Variants in XKR4 observed in about 807,000 individuals in gnomAD.
The protein encoded by XKR4 is XK related 4.
A neutral mutation model predicts 53.9 loss-of-function variants in XKR4; 12 were observed. The observed-to-expected ratio is 0.22, with a 90% confidence interval of 0.14 to 0.36. The LOEUF is 0.36. XKR4 is among the 10% of genes least tolerant of loss of function. XKR4 has a pLI of 1.00. For missense variants in XKR4, 799 were observed against 859.5 expected, an observed-to-expected ratio of 0.93 and a Z score of 0.88; for synonymous variants, 354 against 362.4, an observed-to-expected ratio of 0.98 and a Z score of 0.26.
chr8:55,149,900 A>G (rs1816818932), intron 1 of XKR4, among the ~76,000 whole-genome samples: 1 of 152,234 alleles, frequency 6.6e-6, no homozygotes, highest in Admixed American at 6.5e-5. Flanking sequence ...ACCAATCCAT[A>G]CAAGGGGAAA....
intron 2 of XKR4, among the ~76,000 whole-genome samples, chr8:55,486,361 C>G (rs1806190824): frequency 6.6e-6 from 1 of 152,188 alleles, no homozygotes; most frequent in Non-Finnish European, 1.5e-5. Context: ...ACCACAGATG[C>G]ACAAAAAGAA....
intron 2 of XKR4, among the ~76,000 whole-genome samples, chr8:55,496,425 T>C (rs1420779582): frequency 1.3e-5 from 2 of 152,216 alleles, no homozygotes; most frequent in African/African-American, 4.8e-5. Context: ...ATACCTGGGC[T>C]TAAATTCTGA....
chr8:55,204,782 T>C (rs1230277294), intron 1 of XKR4, among the ~76,000 whole-genome samples: 1 of 152,260 alleles, frequency 6.6e-6, no homozygotes, highest in Non-Finnish European at 1.5e-5. Context: ...ATAAAAAATG[T>C]AAAAGTACAT....
At chr8:55,305,296 A>T (rs925278362) in intron 1 of XKR4, among the ~76,000 whole-genome samples, 3 of 152,208 alleles carry the variant, frequency 2.0e-5, no homozygotes, top group African/African-American at 7.2e-5. Context: ...GAAAGTGCTG[A>T]TGGCGTTGTG....
chr8:55,224,207 A>G (rs1817922625), intron 1 of XKR4, among the ~76,000 whole-genome samples: 1 of 151,806 alleles, frequency 6.6e-6, no homozygotes, highest in Non-Finnish European at 1.5e-5. Flanking sequence ...TTTATTTCAC[A>G]CTGGTTCTCA....
chr8:55,103,442 T>C, intron 1 of XKR4, 148 bp downstream of exon 1: 3 of 1,404,150 alleles, frequency 2.1e-6, no homozygotes, highest in South Asian at 1.7e-5. Context: ...GAACTGGGGC[T>C]TGCATTTTTA....
chr8:55,325,586 G>A (rs1803280672), intron 1 of XKR4, among the ~76,000 whole-genome samples: 1 of 152,196 alleles, frequency 6.6e-6, no homozygotes, highest in African/African-American at 2.4e-5. Context: ...TAAACCTAAA[G>A]AGCTTTGAAG....
intron 1 of XKR4, among the ~76,000 whole-genome samples, chr8:55,152,518 A>G (rs562605740): frequency 1.3e-5 from 2 of 152,320 alleles, no homozygotes; most frequent in African/African-American, 4.8e-5. Context: ...ATGAATGGTC[A>G]GTCATTTACA....
chr8:55,439,601 T>A (rs879376500), intron 2 of XKR4, among the ~76,000 whole-genome samples: 4 of 151,714 alleles, frequency 2.6e-5, no homozygotes, highest in Non-Finnish European at 4.4e-5. Flanking sequence ...ATGTGTAGAT[T>A]AAACAGCAGA....
At chr8:55,105,496 T>C (rs1011177179) in intron 1 of XKR4, among the ~76,000 whole-genome samples, 3 of 152,220 alleles carry the variant, frequency 2.0e-5, no homozygotes, top group East Asian at 1.9e-4. Context: ...AGCATTTCTA[T>C]AGTATTTTCC....
chr8:55,171,304 C>T (rs996263248), intron 1 of XKR4, among the ~76,000 whole-genome samples: 1 of 152,154 alleles, frequency 6.6e-6, no homozygotes, highest in African/African-American at 2.4e-5. Flanking sequence ...TCATCTGTTA[C>T]AGCGTCTGGT....
At chr8:55,465,713 G>C (rs1348800175) in intron 2 of XKR4, among the ~76,000 whole-genome samples, 1 of 152,062 alleles carries the variant, frequency 6.6e-6, no homozygotes, top group Non-Finnish European at 1.5e-5. Context: ...TACAGAATGG[G>C]AGGAAATTTT....
At chr8:55,305,600 ATAATAT>A (rs1411518775) in intron 1 of XKR4, among the ~76,000 whole-genome samples, 2 of 152,202 alleles carry the variant, frequency 1.3e-5, no homozygotes, top group African/African-American at 4.8e-5. Flanking sequence ...ATTGGGCATA[ATAATAT>A]TAATACTTCA....
chr8:55,187,536 G>C (rs1160562638), intron 1 of XKR4, among the ~76,000 whole-genome samples: 1 of 152,094 alleles, frequency 6.6e-6, no homozygotes. Context: ...CCCTTCTCAG[G>C]AATCTGACCA....
At chr8:55,386,364 G>A (rs1804315640) in intron 2 of XKR4, among the ~76,000 whole-genome samples, 1 of 152,180 alleles carries the variant, frequency 6.6e-6, no homozygotes, top group South Asian at 2.1e-4. Context: ...TTTTATCGTG[G>A]CTGCTTGCTT....
chr8:55,221,155 G>A (rs1171440700), intron 1 of XKR4, among the ~76,000 whole-genome samples: 2 of 152,172 alleles, frequency 1.3e-5, no homozygotes, highest in Admixed American at 1.3e-4. Context: ...CCTGCTGGTT[G>A]GAGTAGTCCT....
At chr8:55,447,060 A>G (rs1447594817) in intron 2 of XKR4, among the ~76,000 whole-genome samples, 2 of 152,104 alleles carry the variant, frequency 1.3e-5, no homozygotes, top group Middle Eastern at 3.4e-3. Context: ...ATTGGGAAAA[A>G]AAAAAAAAAA....
chr8:55,355,915 C>T (rs1803791379), intron 1 of XKR4, among the ~76,000 whole-genome samples: 1 of 152,194 alleles, frequency 6.6e-6, no homozygotes, highest in South Asian at 2.1e-4. Flanking sequence ...CATTCACAGA[C>T]TCTAAAAGTA....
chr8:55,418,472 G>A (rs1804881369), intron 2 of XKR4, among the ~76,000 whole-genome samples: 1 of 152,034 alleles, frequency 6.6e-6, no homozygotes. Flanking sequence ...TTAAAAATAG[G>A]TCCAGAATTC....
Sources: allele counts gnomAD v4.1 joint callset (sites outside exome capture counted in the v4.1 genomes callset), GRCh38; gene constraint gnomAD v4.1.1; transcripts MANE v1.5; gene names NCBI Gene and HGNC (gene_info 2026-07-23, HGNC 2026-07-21).